Variants in NFIB observed in about 807,000 individuals in gnomAD.
The protein encoded by NFIB is nuclear factor 1 B-type.
A neutral mutation model predicts 61.5 loss-of-function variants in NFIB; 11 were observed. The observed-to-expected ratio is 0.18, with a 90% CI of 0.11 to 0.30. The LOEUF (loss-of-function observed/expected upper bound fraction) is 0.30. NFIB is among the 10% of genes least tolerant of loss of function. The probability of loss-of-function intolerance (pLI) is 1.00; values close to 1 mark genes in which losing one functional copy is unlikely to be tolerated. For synonymous variants in NFIB, 260 were observed against 216.5 expected (o/e 1.20, Z -1.76); for missense variants, 471 against 608.9 (o/e 0.77, Z 2.38).
At chr9:14,362,896 C>T (rs2132948500) in intron 1 of NFIB, 1 of 151,810 alleles carries the variant, frequency 6.6e-6, no homozygotes, top group Non-Finnish European at 1.5e-5. Context: ...GCTCTGTTTC[C>T]AAAACACAAA....
chr9:14,295,570 A>G (rs911700217), intron 2 of NFIB, among the ~76,000 whole-genome samples: 5 of 152,020 alleles, frequency 3.3e-5, no homozygotes, highest in Middle Eastern at 3.2e-3. Flanking sequence ...GGCGGAGCTT[A>G]CAGTGAGCCG....
chr9:14,443,549 C>G, the NFIB span, among the ~76,000 whole-genome samples: 1 of 152,172 alleles, frequency 6.6e-6, no homozygotes, highest in Non-Finnish European at 1.5e-5. Context: ...CAGTCCCTTT[C>G]TAAGCCATGC....
At chr9:14,196,915 A>G (rs1459911128) in intron 2 of NFIB, among the ~76,000 whole-genome samples, 2 of 152,146 alleles carry the variant, frequency 1.3e-5, no homozygotes, top group Non-Finnish European at 2.9e-5. Context: ...GTTATTTTCC[A>G]TTTGTCTTTT....
Position 14,133,181 on chromosome 9 carries a change from T to C in NFIB, c.926-7415A>G, listed in dbSNP as rs1027046505. On this transcript the variant is annotated intron_variant, in intron 6 of 10. Transcript: ENST00000380953. ...TTTGAAAGTATTAGACTTTCATAGA[T>C]TTTTTTTAAAAGAGTTTTCTAGATA... Among the ~76,000 whole-genome samples, 7 of 152,258 alleles carry C rather than the reference T, an allele frequency of 4.6e-5. No homozygotes were observed. The South Asian group carries it at 1.5e-3, about 32-fold the overall frequency.
Position 14,138,903 on chromosome 9 carries a change from TG to T in NFIB, c.925+7785del, listed in dbSNP as rs201561817. Among the ~76,000 whole-genome samples the T allele has an allele frequency of 6.5e-3, 983 of 152,258 alleles. 30 individuals carry two copies. Among genetic ancestry groups the T allele is most frequent in the Admixed American group, 0.04 (617 of 15,282 alleles). Reference sequence around the variant, plus strand: ...ATAATAGTTGATTTATGTGTGTGTGTGTGTGTGTATGTATATGTAAAATTTT... The same window carrying T: ...ATAATAGTTGATTTATGTGTGTGTGTTGTGTGTATGTATATGTAAAATTTT... On this transcript the variant is annotated intron_variant, in intron 6 of 10. Coordinates refer to ENST00000380953, the MANE Select transcript of NFIB (RefSeq NM_001190737.2).
the NFIB span, among the ~76,000 whole-genome samples, chr9:14,476,932 T>G: frequency 9.2e-5 from 14 of 152,244 alleles, no homozygotes; most frequent in Non-Finnish European, 2.1e-4. Context: ...TAGCTCATAA[T>G]GTTTGAGCTG....
the NFIB span, among the ~76,000 whole-genome samples, chr9:14,525,769 T>C: frequency 6.6e-6 from 1 of 152,162 alleles, no homozygotes; most frequent in African/African-American, 2.4e-5. Flanking sequence ...ACAAAAATGT[T>C]CATGTGAATT....
chr9:14,446,437 TTTG>T, the NFIB span, among the ~76,000 whole-genome samples: 1 of 152,310 alleles, frequency 6.6e-6, no homozygotes, highest in Non-Finnish European at 1.5e-5. Flanking sequence ...TTACTATTGT[TTTG>T]TTATCTTATG....
At chr9:14,246,706 T>C (rs2054970168) in intron 2 of NFIB, among the ~76,000 whole-genome samples, 1 of 152,184 alleles carries the variant, frequency 6.6e-6, no homozygotes, top group African/African-American at 2.4e-5. Flanking sequence ...ACCCTCTTAT[T>C]TGGTGCCACT....
intron 3 of NFIB, among the ~76,000 whole-genome samples, chr9:14,165,695 C>T (rs1412793731): frequency 1.3e-5 from 2 of 152,156 alleles, no homozygotes; most frequent in Non-Finnish European, 2.9e-5. Flanking sequence ...TTTTCCCAAC[C>T]TCCCCAGCCT....
intron 10 of NFIB, among the ~76,000 whole-genome samples, chr9:14,102,727 T>G (rs1418333493): frequency 6.6e-6 from 1 of 152,150 alleles, no homozygotes; most frequent in African/African-American, 2.4e-5. Context: ...TGCTTCTCTA[T>G]TAATTAAAGC....
the NFIB span, among the ~76,000 whole-genome samples, chr9:14,435,173 T>C: frequency 5.3e-5 from 8 of 152,350 alleles, no homozygotes; most frequent in South Asian, 1.7e-3. Flanking sequence ...AGGCATTCTC[T>C]GGCCTGAAGA....
chr9:14,245,734 G>T (rs557773610), intron 2 of NFIB, among the ~76,000 whole-genome samples: 25 of 152,084 alleles, frequency 1.6e-4, no homozygotes, highest in African/African-American at 4.8e-4. Context: ...TCAGCAGGGC[G>T]TTGTAATGCA....
chr9:14,484,228 A>C, the NFIB span, among the ~76,000 whole-genome samples: 1 of 152,216 alleles, frequency 6.6e-6, no homozygotes, highest in Non-Finnish European at 1.5e-5. Context: ...ATAGTGAACT[A>C]AACAGACAAA....
At chr9:14,143,076 T>C (rs2041927750) in intron 6 of NFIB, among the ~76,000 whole-genome samples, 1 of 152,106 alleles carries the variant, frequency 6.6e-6, no homozygotes, top group African/African-American at 2.4e-5. Context: ...CCCTACCAAA[T>C]GCTTAACACT....
At chr9:14,331,000 G>C (rs1027258268) in intron 1 of NFIB, among the ~76,000 whole-genome samples, 13 of 152,146 alleles carry the variant, frequency 8.5e-5, no homozygotes, top group African/African-American at 2.9e-4. Flanking sequence ...GGCATTTTAA[G>C]TGACTACCTA....
At chr9:14,246,109 A>C (rs2054896492) in intron 2 of NFIB, among the ~76,000 whole-genome samples, 1 of 151,548 alleles carries the variant, frequency 6.6e-6, no homozygotes, top group Non-Finnish European at 1.5e-5. Context: ...TCTAGATATC[A>C]GGGACAGCGT....
At chr9:14,204,633 C>A in intron 2 of NFIB, 1 of 682,128 alleles carries the variant, frequency 1.5e-6, no homozygotes, top group Middle Eastern at 4.1e-4. Context: ...GGGACCTCCC[C>A]ACTAAGAACA....
chr9:14,432,726 T>C, the NFIB span, among the ~76,000 whole-genome samples: 1 of 152,068 alleles, frequency 6.6e-6, no homozygotes, highest in African/African-American at 2.4e-5. Context: ...TTGCCATATT[T>C]AGGAAGAGGA....
Sources: gnomAD v4.1 joint callset for allele counts (sites outside exome capture counted in the v4.1 genomes callset) on GRCh38, gnomAD v4.1.1 for gene constraint, MANE v1.5 for transcripts, NCBI Gene and HGNC (gene_info 2026-07-23, HGNC 2026-07-21) for gene names.